Variants in APBB2 observed in about 807,000 individuals in gnomAD.
The protein encoded by APBB2 is amyloid beta precursor protein binding family B member 2.
APBB2 carries 38 observed loss-of-function variants against 82.5 expected under a neutral mutation model. The ratio of observed to expected loss-of-function variants is 0.46; its 90% confidence interval spans 0.36 to 0.60. APBB2 has a LOEUF of 0.60. Among genes scored for constraint, APBB2 ranks in the 20% least tolerant of loss-of-function variants. The pLI is 0.00. For synonymous variants in APBB2, 341 were observed against 368.2 expected (o/e 0.93, Z 0.85); for missense variants, 772 against 972.3 (o/e 0.79, Z 2.74).
intron 3 of APBB2, among the ~76,000 whole-genome samples, chr4:41,069,035 C>CTA (rs1274082083): frequency 6.6e-6 from 1 of 152,072 alleles, no homozygotes; most frequent in Admixed American, 6.6e-5. Flanking sequence ...ACCTTGTGAT[C>CTA]TGCCCGCCTC....
At chr4:41,130,280 G>C (rs1383446447) in intron 2 of APBB2, among the ~76,000 whole-genome samples, 1 of 152,132 alleles carries the variant, frequency 6.6e-6, no homozygotes, top group African/African-American at 2.4e-5. Context: ...GCTGCAGCTT[G>C]GTCATTATCA....
intron 7 of APBB2, chr4:40,935,362 C>A (rs779598683): frequency 6.4e-5 from 32 of 497,198 alleles, no homozygotes; most frequent in Non-Finnish European, 9.1e-5. Flanking sequence ...AATTACTTAC[C>A]AAATAAATGA....
chr4:40,865,382 T>A (rs893133802), intron 12 of APBB2, among the ~76,000 whole-genome samples: 1 of 152,158 alleles, frequency 6.6e-6, no homozygotes, highest in Non-Finnish European at 1.5e-5. Context: ...ACTAAACCCA[T>A]GGCTGGGAAG....
At chr4:41,076,146 A>C (rs1388883853) in intron 3 of APBB2, among the ~76,000 whole-genome samples, 3 of 152,238 alleles carry the variant, frequency 2.0e-5, no homozygotes, top group African/African-American at 7.2e-5. Flanking sequence ...GAATTTTCAA[A>C]GCAGGGGCAG....
intron 12 of APBB2, chr4:40,880,131 C>G: frequency 1.0e-6 from 1 of 985,414 alleles, no homozygotes. Context: ...CGGATGGAGA[C>G]AGTGGCACAC....
At chr4:40,925,408 G>A (rs1782371173) in intron 10 of APBB2, among the ~76,000 whole-genome samples, 1 of 152,168 alleles carries the variant, frequency 6.6e-6, no homozygotes, top group African/African-American at 2.4e-5. Context: ...GCACAGAGGG[G>A]GTAGGTAACT....
At chr4:41,103,420 A>G (rs995671497) in intron 2 of APBB2, among the ~76,000 whole-genome samples, 1 of 152,204 alleles carries the variant, frequency 6.6e-6, no homozygotes, top group African/African-American at 2.4e-5. Flanking sequence ...TAAAGAGTTC[A>G]AGATAGGCAT....
At chr4:41,051,786 C>T (rs944412237) in intron 4 of APBB2, among the ~76,000 whole-genome samples, 1 of 152,200 alleles carries the variant, frequency 6.6e-6, no homozygotes, top group Admixed American at 6.5e-5. Flanking sequence ...ACCACATATA[C>T]ACGCTCCAAG....
chr4:40,999,768 C>CTAA (rs1804622662), intron 6 of APBB2, among the ~76,000 whole-genome samples: 1 of 152,178 alleles, frequency 6.6e-6, no homozygotes, highest in Non-Finnish European at 1.5e-5. Context: ...ATGCATCTCC[C>CTAA]TAACTATTGT....
chr4:40,949,649 C>T (rs930816623), intron 6 of APBB2, among the ~76,000 whole-genome samples: 2 of 151,730 alleles, frequency 1.3e-5, no homozygotes, highest in African/African-American at 2.4e-5. Context: ...CAACACCAGG[C>T]GATTTGAGGA....
chr4:41,104,121 A>G lies in APBB2; in HGVS notation c.-260-3371T>C, dbSNP rs570788938. Among the ~76,000 whole-genome samples the G allele has an allele frequency of 1.9e-4, 29 of 152,354 alleles. No individual in the cohort carries two copies. In the South Asian group the frequency reaches 4.3e-3, roughly 23 times the overall value. ...ATAAAGCTCCTTTCAAACAAGATCA[A>G]GATTAAACAAATACAAAGAGGGATG... On this transcript the variant is annotated intron_variant, in intron 2 of 17. Transcript: ENST00000508593.
At chr4:40,900,856 A>G (rs4546286) in intron 10 of APBB2, among the ~76,000 whole-genome samples, 5,843 of 151,984 alleles carry the variant, frequency 0.038, 365 homozygotes, top group African/African-American at 0.13. Context: ...CATTCATTCA[A>G]CAAATATTTA....
chr4:41,092,944 A>G lies in APBB2; in HGVS notation c.-149+7695T>C, dbSNP rs999337971. On this transcript the variant is annotated intron_variant, in intron 3 of 17. Transcript: ENST00000508593. ...GCCAAGCAGAGGCCAATGGGGATAA[A>G]GAGCTCCCCTGTGTTCTATTTCCAG... Among the ~76,000 whole-genome samples, 57 of 152,166 alleles carry G rather than the reference A, an allele frequency of 3.7e-4. 1 individual carries two copies. The highest frequency in any genetic ancestry group is 7.3e-5 in the Non-Finnish European group (5 of 68,030).
In APBB2 at chr4:40,823,742, T is replaced by C. The variant is rs1748820781; in HGVS notation, c.1834A>G (p.Ser612Gly). 6.2e-7 allele frequency: 1 copy of C among 1,612,872 alleles called. No homozygotes were observed. Among genetic ancestry groups the C allele is most frequent in the East Asian group, 2.2e-5 (1 of 44,882 alleles). ...DKPVGMDILNSAIENLMTSSN... is the reference protein window; with the variant it reads ...DKPVGMDILNGAIENLMTSSN... Reference sequence around the variant, plus strand: ...GAGGTCATAAGATTTTCTATGGCACTGTTCAAAATATCCATTCCTGGGGAC... The same window carrying C: ...GAGGTCATAAGATTTTCTATGGCACCGTTCAAAATATCCATTCCTGGGGAC... Residue 612 changes from serine (S) to glycine (G), a missense_variant, in exon 16 of 18, where the codon AGT becomes GGT. Ser to Gly is a moderately conservative substitution (Grantham distance 56). Coordinates refer to ENST00000508593, the MANE Select transcript of APBB2 (RefSeq NM_004307.2).
In APBB2 at chr4:41,065,617, C is replaced by A. The variant is rs1474740107; in HGVS notation, c.-92G>T. ...ACAGTGAGCCCATAGCGACAGTCAA[C>A]ACATTGGCAGAGGCCTCGGCAGTTC... is the stretch of plus-strand genomic sequence containing the variant. On this transcript the variant is annotated 5_prime_UTR_variant, in exon 4 of 18. Coordinates refer to ENST00000508593, the MANE Select transcript of APBB2 (RefSeq NM_004307.2). 2 of 151,382 alleles carry A rather than the reference C, an allele frequency of 1.3e-5. No homozygotes were observed. Among genetic ancestry groups the A allele is most frequent in the African/African-American group, 2.4e-5 (1 of 41,130 alleles). 9.4% of individuals were successfully genotyped at this position (151,382 alleles called of 1,614,324 possible).
At chr4:41,045,584 G>A (rs1341624861) in intron 4 of APBB2, among the ~76,000 whole-genome samples, 1 of 152,116 alleles carries the variant, frequency 6.6e-6, no homozygotes, top group East Asian at 1.9e-4. Context: ...GAGCCACCGT[G>A]CCTGGCAGTC....
At chr4:41,074,808 A>C (rs146586528) in intron 3 of APBB2, among the ~76,000 whole-genome samples, 2,401 of 151,974 alleles carry the variant, frequency 0.016, 60 homozygotes, top group African/African-American at 0.056. Context: ...ATGGGGTTTC[A>C]CCATATTATT....
At chr4:41,133,331 T>A (rs963790898) in intron 2 of APBB2, among the ~76,000 whole-genome samples, 7 of 152,334 alleles carry the variant, frequency 4.6e-5, no homozygotes, top group African/African-American at 1.4e-4. Flanking sequence ...TTGAATTGTG[T>A]CTATTTCAGA....
In APBB2 at chr4:41,058,290, T is replaced by TA. The variant is rs1170745934; in HGVS notation, c.-51+7285dup. 6.2e-4 allele frequency among the ~76,000 whole-genome samples: 88 copies of TA among 141,020 alleles called. 1 individual carries two copies. Among genetic ancestry groups the TA allele is most frequent in the East Asian group, 5.3e-3 (26 of 4,900 alleles). 92.5% of individuals were successfully genotyped at this position (141,020 alleles called of 152,430 possible). The stretch of plus-strand genomic sequence containing the variant: ...GAAGTAGCGAATTACAAGAGAGGTT[T>TA]AAAAAAAAAAAAAGCAAGAGCAAGT... On this transcript the variant is annotated intron_variant, in intron 4 of 17. Transcript: ENST00000508593.
Sources: gnomAD v4.1 joint callset for allele counts (sites outside exome capture counted in the v4.1 genomes callset) on GRCh38, gnomAD v4.1.1 for gene constraint, MANE v1.5 for transcripts, NCBI Gene and HGNC (gene_info 2026-07-23, HGNC 2026-07-21) for gene names.